CIB1: variants seen among roughly 807,000 people sequenced by gnomAD.
CIB1 encodes calcium and integrin binding 1, also known as calcium and integrin-binding protein 1.
In CIB1, 19 loss-of-function variants were observed where a neutral mutation model predicts 25.0. The ratio of observed to expected loss-of-function variants is 0.76; its 90% CI spans 0.53 to 1.12. The LOEUF is 1.12. CIB1 is among the 50% of genes most tolerant of loss of function. The pLI, the probability that CIB1 is intolerant of heterozygous loss-of-function variation, is 0.00. For missense variants in CIB1, 236 were observed against 242.6 expected (o/e 0.97, Z 0.18); for synonymous variants, 104 against 98.5 (o/e 1.06, Z -0.33).
At chr15:90,262,913 G>T in the CIB1 span, 1 of 1,505,104 alleles carries the variant, frequency 6.6e-7, no homozygotes. Context: ...CCTGGGTGAT[G>T]GTTTGGGACT....
the CIB1 span, among the ~76,000 whole-genome samples, chr15:90,240,732 G>C: frequency 9.9e-5 from 15 of 151,880 alleles, no homozygotes; most frequent in South Asian, 6.2e-4. Context: ...AGAACCGCTT[G>C]AACCCAGGAG....
Position 90,230,433 on chromosome 15 carries a change from GC to G in CIB1, c.*50del. The stretch of plus-strand genomic sequence containing the variant: ...CAGGCTTGACCTTGGCCACAGCTCA[GC>G]AGTAGAAAGGTTCTTGGACAGGGTG... On this transcript the variant is annotated 3_prime_UTR_variant, in exon 7 of 7. Coordinates refer to ENST00000328649, the MANE Select transcript of CIB1 (RefSeq NM_006384.4). 1 of 1,547,694 alleles carries G rather than the reference GC, an allele frequency of 6.5e-7. No homozygotes were observed.
the CIB1 span, chr15:90,251,453 A>C: frequency 4.3e-5 from 54 of 1,248,848 alleles, no homozygotes; most frequent in Non-Finnish European, 5.4e-5. Flanking sequence ...AGTGGCTTCT[A>C]GAGAAAAGGA....
At chr15:90,250,604 C>T in the CIB1 span, 3 of 1,604,218 alleles carry the variant, frequency 1.9e-6, no homozygotes, top group African/African-American at 2.7e-5. Context: ...TTCATTCCCA[C>T]CCCGCAACCC....
At chr15:90,241,651 A>G in the CIB1 span, 13 of 1,614,226 alleles carry the variant, frequency 8.1e-6, no homozygotes, top group African/African-American at 1.3e-5. Flanking sequence ...CATCTGCTCC[A>G]GGACCTCCCA....
the CIB1 span, chr15:90,244,983 C>G: frequency 6.6e-6 from 1 of 152,288 alleles, no homozygotes; most frequent in Non-Finnish European, 1.5e-5. Context: ...AGTGGGCTCA[C>G]CCAGGAGGGG....
At chr15:90,258,440 G>C in the CIB1 span, 1 of 669,446 alleles carries the variant, frequency 1.5e-6, no homozygotes, top group Non-Finnish European at 2.5e-6. Flanking sequence ...TTGACCTGCT[G>C]AGTCAAATCT....
At chr15:90,235,389 A>G (rs999455310), upstream of CIB1, among the ~76,000 whole-genome samples, 1 of 152,162 alleles carries the variant, frequency 6.6e-6, no homozygotes, top group Non-Finnish European at 1.5e-5. Context: ...AACATGGCAA[A>G]ACCCCATCTC....
chr15:90,263,745 A>C, the CIB1 span: 1 of 687,760 alleles, frequency 1.5e-6, no homozygotes, highest in African/African-American at 1.8e-5. Context: ...TCTAGCCTAG[A>C]TTTTGCTAGG....
At chr15:90,264,889 C>A in the CIB1 span, 3 of 1,535,972 alleles carry the variant, frequency 2.0e-6, no homozygotes, top group African/African-American at 2.7e-5. Flanking sequence ...ACAGAGCAGC[C>A]AAGGTTCCCC....
the CIB1 span, chr15:90,265,541 G>A: frequency 4.5e-5 from 63 of 1,398,872 alleles, no homozygotes; most frequent in Admixed American, 4.8e-4. Flanking sequence ...ACAGTTACAG[G>A]CAGAAAGGGT....
the CIB1 span, among the ~76,000 whole-genome samples, chr15:90,253,630 T>C: frequency 2.0e-5 from 3 of 152,188 alleles, no homozygotes; most frequent in Admixed American, 2.0e-4. Context: ...TGTGTGTAGC[T>C]GGCCCTCTCC....
rs748033455 is a variant in CIB1 at position 90,233,786 on chromosome 15, C to G, written c.51+49G>C. On this transcript the variant is annotated intron_variant, in intron 1 of 6. Transcript: ENST00000328649. ...GCAGCCAGCTCCCGGACCCTGCTCC[C>G]GAGAAGAGGCCCGCACGCGAGCTCC... The G allele has an allele frequency of 2.9e-5, 45 of 1,551,014 alleles. No homozygotes were observed. In the East Asian group the frequency reaches 1.0e-3, roughly 35 times the overall value.
chr15:90,264,733 C>G, the CIB1 span: 26 of 1,535,916 alleles, frequency 1.7e-5, no homozygotes, highest in African/African-American at 1.5e-4. Context: ...GACAAGCCAG[C>G]AGAAGGCTAG....
At chr15:90,258,267 G>C in the CIB1 span, 499 of 1,614,102 alleles carry the variant, frequency 3.1e-4, 2 homozygotes, top group African/African-American at 6.2e-3. Context: ...CTGGCTGCTA[G>C]AGGTGAGGAT....
At chr15:90,257,651 G>A in the CIB1 span, 1 of 1,614,186 alleles carries the variant, frequency 6.2e-7, no homozygotes, top group Non-Finnish European at 8.5e-7. Flanking sequence ...ATGTCTGCAT[G>A]CACCTGACCA....
intron 2 of CIB1, 77 bp downstream of exon 2, chr15:90,233,592 C>T (rs1962558562): frequency 6.6e-7 from 1 of 1,522,044 alleles, no homozygotes; most frequent in Non-Finnish European, 8.9e-7. Flanking sequence ...AGCCCCCGCC[C>T]CTCCCTCGGG....
chr15:90,256,916 G>C, the CIB1 span, among the ~76,000 whole-genome samples: 2 of 152,006 alleles, frequency 1.3e-5, no homozygotes, highest in Non-Finnish European at 2.9e-5. Context: ...TTGAACTCCT[G>C]AACTCGTGAT....
chr15:90,245,958 CCTCCCCACGTTTTT>C, the CIB1 span: 1 of 152,230 alleles, frequency 6.6e-6, no homozygotes, highest in East Asian at 1.9e-4. Flanking sequence ...CAGCCCAGGA[CCTCCCCACGTTTTT>C]GCTTAACTCT....
Sources: gnomAD v4.1 joint callset for allele counts (sites outside exome capture counted in the v4.1 genomes callset) on GRCh38, gnomAD v4.1.1 for gene constraint, MANE v1.5 for transcripts, NCBI Gene and HGNC (gene_info 2026-07-23, HGNC 2026-07-21) for gene names.